GNAS: variants seen among roughly 807,000 people sequenced by gnomAD.
The protein encoded by GNAS is protein ALEX.
Under a neutral mutation model 54.5 loss-of-function variants are expected in GNAS, and 8 were observed. The ratio of observed to expected loss-of-function variants is 0.15; its 90% CI spans 0.09 to 0.26. The LOEUF is 0.26. Ranked by LOEUF, GNAS falls within the 10% of genes least tolerant of loss-of-function variation. GNAS has a pLI of 1.00. For missense variants in GNAS, 170 were observed against 529.8 expected (o/e 0.32, Z 6.67); for synonymous variants, 204 against 191.4 (o/e 1.07, Z -0.54).
In GNAS at chr20:58,841,643, C is replaced by T; in HGVS notation, c.43+757C>T. 9.1e-7 allele frequency: 1 copy of T among 1,101,486 alleles called. No homozygotes were observed. Among genetic ancestry groups the T allele is most frequent in the Non-Finnish European group, 1.1e-6 (1 of 905,082 alleles). The allele number at this position is 1,101,486 out of a possible 1,614,324, so 68.2% of individuals were successfully genotyped here. A position where few individuals can be genotyped will look rare whatever the true frequency, so the allele number is the denominator to read the frequency against. ...GCGCGCCGGAGCTGACCTCTCCCGG[C>T]GGCGGGCGGTTAGGGGAAAGTACCT... On this transcript the variant is annotated intron_variant, in intron 1 of 12. Transcript: ENST00000306090. The surrounding 1 kb of genome is among the most constrained non-coding windows in gnomAD (Gnocchi z 5.0).
At chr20:58,885,302 G>A (rs1296211121) in intron 1 of GNAS, among the ~76,000 whole-genome samples, 2 of 152,118 alleles carry the variant, frequency 1.3e-5, no homozygotes, top group African/African-American at 2.4e-5. Flanking sequence ...CGTCCTCTTT[G>A]CCCTCATATT....
intron 1 of GNAS, among the ~76,000 whole-genome samples, chr20:58,858,248 G>A (rs1296532644): frequency 6.6e-6 from 1 of 152,110 alleles, no homozygotes; most frequent in African/African-American, 2.4e-5. Flanking sequence ...CTTTGATATG[G>A]TTGCTAATTT....
rs587778390 is a variant in GNAS, at chr20:58,853,446, G to A, written c.43+12560G>A. 1 of 1,610,404 alleles carries A rather than the reference G, an allele frequency of 6.2e-7. No individual in the cohort carries two copies. The highest frequency in any genetic ancestry group is 8.5e-7 in the Non-Finnish European group (1 of 1,178,626). On this transcript the variant is annotated intron_variant, in intron 1 of 12. Transcript: ENST00000306090. This position sits in a 1 kb window ranked among gnomAD's most constrained non-coding sequence, Gnocchi z 4.4. The stretch of plus-strand genomic sequence containing the variant: ...ACCGCCTCACAACGAGCCCATCCCC[G>A]TCGAGAATGATGGCGAGGCCTGTGG...
Position 58,841,964 on chromosome 20 carries a change from G to T in GNAS, c.43+1078G>T. ...TTCGTTTCCAAAGAGCGCGGTACGC[G>T]CAGAGCTGGGGAAAGGTGTTGGATC... On this transcript the variant is annotated intron_variant, in intron 1 of 12. Transcript: ENST00000306090. The surrounding 1 kb of genome is among the most constrained non-coding windows in gnomAD (Gnocchi z 5.0). 1.8e-6 allele frequency: 2 copies of T among 1,100,292 alleles called. No homozygotes were observed. The highest frequency in any genetic ancestry group is 2.3e-6 in the Non-Finnish European group (2 of 867,846). The allele number at this position is 1,100,292 out of a possible 1,614,324, so 68.2% of individuals were successfully genotyped here. A position where few individuals can be genotyped will look rare whatever the true frequency, so the allele number is the denominator to read the frequency against.
rs578043841 is a variant in GNAS, at chr20:58,868,397, G to A, written c.44-27215G>A. On this transcript the variant is annotated intron_variant, in intron 1 of 12. Coordinates refer to the GNAS transcript ENST00000306090. ...TCCAACTCCTGACTTCAGATGATCC[G>A]CCCACCTTGGCCTCCCAAAGTGCTG... 1.4e-3 allele frequency among the ~76,000 whole-genome samples: 204 copies of A among 149,232 alleles called. 2 individuals carry two copies. Among genetic ancestry groups the A allele is most frequent in the Non-Finnish European group, 2.0e-3 (132 of 67,512 alleles).
intron 1 of GNAS, chr20:58,854,330 G>C (rs767467610): frequency 6.3e-7 from 1 of 1,593,194 alleles, no homozygotes; most frequent in South Asian, 1.1e-5. Flanking sequence ...CCCCAGTTGA[G>C]GAGGAAGCAG....
chr20:58,842,371 T>TG, intron 1 of GNAS: 2 of 398,206 alleles, frequency 5.0e-6, no homozygotes, highest in Non-Finnish European at 8.8e-6. Context: ...TTTGAGGGCT[T>TG]GAGATGAATG....
In GNAS at chr20:58,854,713, G is replaced by A. The variant is rs758874023; in HGVS notation, c.43+13827G>A. The A allele has an allele frequency of 8.5e-6, 13 of 1,533,018 alleles. No individual in the cohort carries two copies. Among genetic ancestry groups the A allele is most frequent in the Admixed American group, 5.9e-5 (3 of 50,836 alleles). The allele number at this position is 1,533,018 out of a possible 1,614,324, so 95.0% of individuals were successfully genotyped here. A position where few individuals can be genotyped will look rare whatever the true frequency, so the allele number is the denominator to read the frequency against. On this transcript the variant is annotated intron_variant, in intron 1 of 12. Coordinates refer to the GNAS transcript ENST00000306090. Reference sequence around the variant, plus strand: ...GCCGCCCCTGCGGCTGCTGAGACCCGGGCAGCCCATGTCGCCCCAGCTGCG... The same window carrying A: ...GCCGCCCCTGCGGCTGCTGAGACCCAGGCAGCCCATGTCGCCCCAGCTGCG...
At position 58,895,698 on chromosome 20, in the gene GNAS, CTGTGCAGGGGGGCACCA is replaced by C. The variant is rs760715544; in HGVS notation, c.212+15_212+31del. On this transcript the variant is annotated intron_variant, in intron 2 of 12. Transcript: ENST00000371085. ...GTTTAATGGAGAGTAAGTGTCAAAT[CTGTGCAGGGGGGCACCA>C]AGTAAGAGGAACAGACTTTATACTA... 1 of 1,446,660 alleles carries C rather than the reference CTGTGCAGGGGGGCACCA, an allele frequency of 6.9e-7. No homozygotes were observed. Among genetic ancestry groups the C allele is most frequent in the Non-Finnish European group, 9.7e-7 (1 of 1,026,632 alleles). The allele number at this position is 1,446,660 out of a possible 1,614,324, so 89.6% of individuals were successfully genotyped here. A position where few individuals can be genotyped will look rare whatever the true frequency, so the allele number is the denominator to read the frequency against.
rs532524797 is a variant in GNAS, at chr20:58,910,409, G to C, written c.1038+8G>C. 4 of 1,602,890 alleles carry C rather than the reference G, an allele frequency of 2.5e-6. No individual in the cohort carries two copies. The highest frequency in any genetic ancestry group is 3.4e-6 in the Non-Finnish European group (4 of 1,169,938). ...ATTCGAGATGAGTTTCTGGTGAGTC[G>C]AGCCTGTCTTTAGTTTCCTCTCTTG... is the stretch of plus-strand genomic sequence containing the variant. On this transcript the variant is annotated splice_region_variant and intron_variant, in intron 12 of 12. Transcript: ENST00000371085. The surrounding 1 kb of genome is among the most constrained non-coding windows in gnomAD (Gnocchi z 5.8).
At chr20:58,861,711 C>A (rs139742615) in intron 1 of GNAS, among the ~76,000 whole-genome samples, 3 of 152,090 alleles carry the variant, frequency 2.0e-5, no homozygotes, top group African/African-American at 7.2e-5. Flanking sequence ...AGGATATATT[C>A]TTTTTTTTAT....
At chr20:58,905,814 C>T (rs2091005996) in intron 6 of GNAS, among the ~76,000 whole-genome samples, 1 of 152,150 alleles carries the variant, frequency 6.6e-6, no homozygotes, top group South Asian at 2.1e-4. Flanking sequence ...GCTGTGCTCA[C>T]ATTTTGAATA....
chr20:58,841,961 C>A lies in GNAS; in HGVS notation c.43+1075C>A. 1 of 1,116,360 alleles carries A rather than the reference C, an allele frequency of 9.0e-7. No homozygotes were observed. The highest frequency in any genetic ancestry group is 4.5e-5 in the South Asian group (1 of 22,078). The allele number at this position is 1,116,360 out of a possible 1,614,324, so 69.2% of individuals were successfully genotyped here. A position where few individuals can be genotyped will look rare whatever the true frequency, so the allele number is the denominator to read the frequency against. The stretch of plus-strand genomic sequence containing the variant: ...CAATTCGTTTCCAAAGAGCGCGGTA[C>A]GCGCAGAGCTGGGGAAAGGTGTTGG... On this transcript the variant is annotated intron_variant, in intron 1 of 12. Transcript: ENST00000306090. The surrounding 1 kb of genome is among the most constrained non-coding windows in gnomAD (Gnocchi z 5.0).
Position 58,899,586 on chromosome 20 carries a change from A to T in GNAS, c.257+601A>T, listed in dbSNP as rs115186558. ...GGTGGATAAGGAAATTCATGATGGC[A>T]TCTTTTATTTTTCCATTCATTATCA... On this transcript the variant is annotated intron_variant, in intron 3 of 12. Coordinates refer to ENST00000371085, the MANE Select transcript of GNAS (RefSeq NM_000516.7). 1,485 of 558,632 alleles carry T rather than the reference A, an allele frequency of 2.7e-3. 19 individuals carry two copies. The highest frequency in any genetic ancestry group is 0.026 in the African/African-American group (1,356 of 52,456). The allele number at this position is 558,632 out of a possible 1,614,324, so 34.6% of individuals were successfully genotyped here.
intron 3 of GNAS, chr20:58,900,071 AG>A: frequency 1.2e-5 from 3 of 247,954 alleles, no homozygotes. Context: ...CTGTTATCTG[AG>A]GGGGGAGGGG....
intron 1 of GNAS, among the ~76,000 whole-genome samples, chr20:58,877,264 C>T (rs1044760388): frequency 5.9e-5 from 9 of 151,850 alleles, no homozygotes; most frequent in South Asian, 2.1e-4. Flanking sequence ...TGCCAAATGA[C>T]AGATGCAGTT....
rs3215657 is a variant in GNAS, at chr20:58,876,389, CG to C, written c.44-19220del. ...CAGAGTTCAAAGTCACTCAGAGGGG[CG>C]GGTTTTTATTTTTTTAATGTCACCC... On this transcript the variant is annotated intron_variant, in intron 1 of 12. Coordinates refer to the GNAS transcript ENST00000306090. 1.6e-3 allele frequency among the ~76,000 whole-genome samples: 240 copies of C among 151,832 alleles called. 4 individuals are homozygous for C. In the East Asian group the frequency reaches 0.038, roughly 24 times the overall value.
chr20:58,893,518 A>G (rs986833836), intron 1 of GNAS, among the ~76,000 whole-genome samples: 6 of 152,138 alleles, frequency 3.9e-5, no homozygotes, highest in African/African-American at 1.4e-4. Flanking sequence ...GTTCTTATTT[A>G]TTTTCCTTTG....
intron 1 of GNAS, chr20:58,855,833 T>G: frequency 1.7e-6 from 1 of 591,360 alleles, no homozygotes; most frequent in Non-Finnish European, 3.0e-6. Context: ...CTGTGCATGA[T>G]ACGCTGAAGT....
Sources: allele counts gnomAD v4.1 joint callset (sites outside exome capture counted in the v4.1 genomes callset), GRCh38; gene constraint gnomAD v4.1.1; non-coding constraint Gnocchi (gnomAD v3.1); transcripts MANE v1.5; gene names NCBI Gene and HGNC (gene_info 2026-07-23, HGNC 2026-07-21).